DNAH3: variants seen among roughly 807,000 people sequenced by gnomAD.
DNAH3 encodes the protein dynein axonemal heavy chain 3, also known as axonemal beta dynein heavy chain 3.
A neutral mutation model predicts 432.5 loss-of-function variants in DNAH3; 332 were observed. The ratio of observed to expected loss-of-function variants is 0.77; its 90% CI spans 0.70 to 0.84. The LOEUF (loss-of-function observed/expected upper bound fraction) is 0.84. Among genes scored for constraint, DNAH3 ranks in the 40% least tolerant of loss-of-function variants. DNAH3 has a pLI of 0.00. For synonymous variants in DNAH3, 1,956 were observed against 1,900.2 expected (o/e 1.03, Z -0.76); for missense variants, 4,861 against 5,114.0 (o/e 0.95, Z 1.51).
chr16:20,976,150 G>A (rs2085579440), intron 50 of DNAH3, among the ~76,000 whole-genome samples: 1 of 151,962 alleles, frequency 6.6e-6, no homozygotes, highest in African/African-American at 2.4e-5. Context: ...AGACCAGCCT[G>A]GGAAACATAG....
At chr16:20,951,731 G>A (rs1168344858) in intron 56 of DNAH3, among the ~76,000 whole-genome samples, 1 of 146,030 alleles carries the variant, frequency 6.8e-6, no homozygotes, top group Admixed American at 6.9e-5. Context: ...CACTGCGCCT[G>A]GCCCGTATTT....
intron 35 of DNAH3, 29 bp from the exon 36 acceptor site, chr16:21,034,114 G>T: frequency 6.9e-7 from 1 of 1,451,852 alleles, no homozygotes; most frequent in Non-Finnish European, 9.7e-7. Context: ...CATAAAAGAA[G>T]CTAATCATTG....
chr16:21,093,001 G>A (rs1444902655), intron 18 of DNAH3, among the ~76,000 whole-genome samples: 1 of 152,092 alleles, frequency 6.6e-6, no homozygotes, highest in Admixed American at 6.5e-5. Flanking sequence ...TTGAGCCCAG[G>A]AATCTGAGGC....
At chr16:21,154,526 T>A (rs952445130) in intron 1 of DNAH3, among the ~76,000 whole-genome samples, 1 of 152,240 alleles carries the variant, frequency 6.6e-6, no homozygotes, top group African/African-American at 2.4e-5. Flanking sequence ...TGTTTAAAAC[T>A]ATCAAAACAA....
At position 21,064,253 on chromosome 16, in the gene DNAH3, A is replaced by C. The variant is rs193265108; in HGVS notation, c.3519-1570T>G. 8.2e-4 allele frequency among the ~76,000 whole-genome samples: 125 copies of C among 152,336 alleles called. No individual in the cohort carries two copies. In the Middle Eastern group the frequency reaches 0.014, roughly 17 times the overall value. On this transcript the variant is annotated intron_variant, in intron 24 of 61. Transcript: ENST00000261383. ...AAATAAACCCAGGCTAGTCTTCTAC[A>C]GGATAAAAGACATGTGGCCCAAATA...
chr16:21,022,193 T>C, intron 39 of DNAH3, 93 bp from the exon 40 acceptor site: 1 of 1,352,396 alleles, frequency 7.4e-7, no homozygotes, highest in Non-Finnish European at 1.0e-6. Flanking sequence ...CTAGAGATGC[T>C]GGTTAGACTG....
chr16:20,996,416 A>G (rs1197660134), intron 44 of DNAH3, among the ~76,000 whole-genome samples: 1 of 151,826 alleles, frequency 6.6e-6, no homozygotes, highest in Non-Finnish European at 1.5e-5. Context: ...GGGTTACTCA[A>G]CCCCAGACCT....
intron 58 of DNAH3, among the ~76,000 whole-genome samples, 161 bp downstream of exon 58, chr16:20,944,335 G>A (rs933842233): frequency 1.3e-5 from 2 of 152,220 alleles, no homozygotes; most frequent in Non-Finnish European, 2.9e-5. Context: ...TGGATATAAG[G>A]ACTCCCGGCA....
chr16:20,933,467 T>C, exon 62 of DNAH3: 1 of 1,610,852 alleles, frequency 6.2e-7, no homozygotes, highest in Non-Finnish European at 8.5e-7. Context: ...GTAGGCCCCA[T>C]CTTCGGGGTT....
chr16:21,089,032 G>C (rs1830495836), intron 18 of DNAH3, among the ~76,000 whole-genome samples: 1 of 152,176 alleles, frequency 6.6e-6, no homozygotes, highest in African/African-American at 2.4e-5. Flanking sequence ...TGAGCTATAG[G>C]GAGAAATTTC....
intron 23 of DNAH3, among the ~76,000 whole-genome samples, chr16:21,068,684 T>C (rs1282939935): frequency 6.6e-6 from 1 of 152,228 alleles, no homozygotes; most frequent in African/African-American, 2.4e-5. Context: ...ATTTCTAGTA[T>C]AACACCTGGG....
chr16:20,995,300 C>T (rs62034885), intron 44 of DNAH3, among the ~76,000 whole-genome samples: 19 of 152,112 alleles, frequency 1.2e-4, no homozygotes, highest in Non-Finnish European at 2.8e-4. Flanking sequence ...ATGGTGCAAT[C>T]TTGGCTCACT....
At chr16:21,000,069 A>G (rs1051031761) in intron 43 of DNAH3, among the ~76,000 whole-genome samples, 155 bp downstream of exon 43, 3 of 151,982 alleles carry the variant, frequency 2.0e-5, no homozygotes, top group African/African-American at 7.3e-5. Context: ...GAAAAAGAAG[A>G]GGAGAGAATG....
intron 12 of DNAH3, among the ~76,000 whole-genome samples, chr16:21,114,010 T>C (rs2092131566): frequency 1.3e-5 from 2 of 152,202 alleles, no homozygotes; most frequent in African/African-American, 4.8e-5. Context: ...GTATTTATGA[T>C]AAAGTTTAAT....
chr16:21,013,549 C>T (rs529760090), intron 41 of DNAH3, among the ~76,000 whole-genome samples: 100 of 151,818 alleles, frequency 6.6e-4, no homozygotes, highest in African/African-American at 2.3e-3. Flanking sequence ...GGAGAAACCC[C>T]GTCTCTACCA....
At chr16:21,112,267 G>C (rs1179545129) in intron 12 of DNAH3, among the ~76,000 whole-genome samples, 169 bp from the exon 13 acceptor site, 2 of 152,120 alleles carry the variant, frequency 1.3e-5, no homozygotes, top group Non-Finnish European at 2.9e-5. Flanking sequence ...TCAGAATTTT[G>C]GCTCTGATTT....
intron 5 of DNAH3, among the ~76,000 whole-genome samples, chr16:21,138,350 G>A (rs1336007264): frequency 2.0e-5 from 3 of 152,112 alleles, no homozygotes; most frequent in African/African-American, 7.2e-5. Flanking sequence ...GGGGAGTATT[G>A]CAAAGCTTTT....
chr16:20,991,569 T>A (rs968488546), intron 44 of DNAH3, among the ~76,000 whole-genome samples: 1 of 152,188 alleles, frequency 6.6e-6, no homozygotes, highest in Non-Finnish European at 1.5e-5. Context: ...TGGCCTCATA[T>A]GTATTTCTTA....
chr16:21,093,572 TG>T (rs1226200675), intron 18 of DNAH3, among the ~76,000 whole-genome samples: 1 of 152,190 alleles, frequency 6.6e-6, no homozygotes, highest in East Asian at 1.9e-4. Context: ...ATAGACAAAC[TG>T]ATTCTCAAAT....
Sources: allele counts gnomAD v4.1 joint callset (sites outside exome capture counted in the v4.1 genomes callset), GRCh38; gene constraint gnomAD v4.1.1; transcripts MANE v1.5; gene names NCBI Gene and HGNC (gene_info 2026-07-23, HGNC 2026-07-21).